ITGA1: variants seen among roughly 807,000 people sequenced by gnomAD.
ITGA1 encodes the protein integrin subunit alpha 1.
A neutral mutation model predicts 145.9 loss-of-function variants in ITGA1; 85 were observed. The observed-to-expected ratio is 0.58, with a 90% CI of 0.49 to 0.70. ITGA1 has a LOEUF of 0.70. ITGA1 is among the 30% of genes least tolerant of loss of function. The pLI, the probability that ITGA1 is intolerant of heterozygous loss-of-function variation, is 0.00. For synonymous variants in ITGA1, 520 were observed against 495.3 expected, an observed-to-expected ratio of 1.05 and a Z score of -0.66; for missense variants, 1,351 against 1,418.7, an observed-to-expected ratio of 0.95 and a Z score of 0.77.
chr5:52,902,060 G>A (rs955328370), intron 11 of ITGA1: 3 of 150,858 alleles, frequency 2.0e-5, no homozygotes, highest in Non-Finnish European at 4.4e-5. Context: ...TCTTTGTGGG[G>A]GTCACAAATT....
intron 1 of ITGA1, among the ~76,000 whole-genome samples, chr5:52,834,145 C>G (rs1434652237): frequency 6.6e-6 from 1 of 152,188 alleles, no homozygotes; most frequent in Admixed American, 6.5e-5. Flanking sequence ...GTGTTACTTT[C>G]ATCTTTCTGC....
intron 2 of ITGA1, among the ~76,000 whole-genome samples, chr5:52,855,009 C>A (rs138915722): frequency 6.6e-6 from 1 of 152,270 alleles, no homozygotes; most frequent in East Asian, 1.9e-4. Flanking sequence ...TAAGTTAAAA[C>A]TAACTTGCAT....
intron 1 of ITGA1, among the ~76,000 whole-genome samples, chr5:52,790,104 T>C (rs1344486863): frequency 2.6e-5 from 4 of 152,218 alleles, no homozygotes; most frequent in Non-Finnish European, 5.9e-5. Flanking sequence ...AAACTTCTCA[T>C]CAATTCAGAG....
intron 1 of ITGA1, chr5:52,801,554 G>A: frequency 1.2e-6 from 2 of 1,614,152 alleles, no homozygotes; most frequent in Non-Finnish European, 1.7e-6. Flanking sequence ...GAACCGGATC[G>A]AGCTTTCTAT....
intron 19 of ITGA1, 138 bp downstream of exon 19, chr5:52,925,625 G>T: frequency 3.2e-6 from 2 of 633,648 alleles, no homozygotes; most frequent in Non-Finnish European, 5.4e-6. Context: ...CCTCACCAAT[G>T]GTGAAAGTAT....
intron 11 of ITGA1, among the ~76,000 whole-genome samples, chr5:52,900,491 T>C (rs941476822): frequency 1.3e-5 from 2 of 152,160 alleles, no homozygotes; most frequent in Non-Finnish European, 2.9e-5. Context: ...GTATTATTAT[T>C]TATGTTATTG....
intron 8 of ITGA1, among the ~76,000 whole-genome samples, chr5:52,890,991 T>A (rs753051156): frequency 9.8e-5 from 15 of 152,312 alleles, no homozygotes; most frequent in Non-Finnish European, 1.9e-4. Context: ...TGTCCTTCAG[T>A]GCTTGGCTTA....
intron 1 of ITGA1, among the ~76,000 whole-genome samples, chr5:52,837,261 T>C (rs1749174680): frequency 6.6e-6 from 1 of 152,054 alleles, no homozygotes. Flanking sequence ...AGCAAAGCAT[T>C]TTCTTAACGT....
chr5:52,942,051 GTT>G (rs1751061601), intron 26 of ITGA1, among the ~76,000 whole-genome samples: 2 of 152,192 alleles, frequency 1.3e-5, no homozygotes, highest in Non-Finnish European at 2.9e-5. Flanking sequence ...CCCATTGCTT[GTT>G]TTTGTTGGCT....
intron 19 of ITGA1, among the ~76,000 whole-genome samples, chr5:52,926,846 C>T (rs1750819020): frequency 6.6e-6 from 1 of 151,840 alleles, no homozygotes; most frequent in African/African-American, 2.4e-5. Flanking sequence ...TGGTTTAGGC[C>T]CTGTACTAAG....
At chr5:52,952,186 C>CAA (rs541608561) in intron 28 of ITGA1, among the ~76,000 whole-genome samples, 1 of 130,964 alleles carries the variant, frequency 7.6e-6, no homozygotes, top group African/African-American at 3.0e-5. Context: ...GAGACTGTCT[C>CAA]AAAAAAAAAA....
intron 1 of ITGA1, among the ~76,000 whole-genome samples, chr5:52,836,585 G>A (rs968115339): frequency 6.6e-6 from 1 of 152,056 alleles, no homozygotes; most frequent in Admixed American, 6.6e-5. Flanking sequence ...CCGCCACTTG[G>A]TTGTTCATTT....
intron 2 of ITGA1, among the ~76,000 whole-genome samples, chr5:52,861,044 G>A (rs1413181059): frequency 3.3e-5 from 5 of 152,040 alleles, no homozygotes; most frequent in Admixed American, 2.6e-4. Context: ...AGTTAATACA[G>A]TAGCAGACTT....
At chr5:52,834,415 T>C (rs1488932462) in intron 1 of ITGA1, among the ~76,000 whole-genome samples, 2 of 151,294 alleles carry the variant, frequency 1.3e-5, no homozygotes, top group African/African-American at 4.9e-5. Flanking sequence ...CTTATCTCTG[T>C]GTACATAGTG....
chr5:52,806,810 A>G (rs930931542), intron 1 of ITGA1, among the ~76,000 whole-genome samples: 10 of 152,222 alleles, frequency 6.6e-5, no homozygotes, highest in African/African-American at 2.4e-4. Flanking sequence ...TTGAGAAATG[A>G]ATGAGTTTCT....
intron 1 of ITGA1, among the ~76,000 whole-genome samples, chr5:52,810,872 A>C (rs1339812381): frequency 6.6e-6 from 1 of 152,222 alleles, no homozygotes; most frequent in Non-Finnish European, 1.5e-5. Context: ...ACGGGCAAGT[A>C]GGTAGGAAAT....
intron 1 of ITGA1, among the ~76,000 whole-genome samples, chr5:52,844,121 C>T (rs930381901): frequency 6.6e-6 from 1 of 152,060 alleles, no homozygotes; most frequent in African/African-American, 2.4e-5. Flanking sequence ...TTTCATCTTT[C>T]TCTTTTTTTA....
intron 1 of ITGA1, among the ~76,000 whole-genome samples, chr5:52,842,628 G>A (rs115589164): frequency 0.021 from 3,201 of 149,766 alleles, 44 homozygotes; most frequent in Middle Eastern, 0.094. Flanking sequence ...CATTTCAAAT[G>A]TGATAAACTG....
rs777330136 is a variant in ITGA1, at chr5:52,864,775, T to A, written c.308T>A (p.Ile103Asn). ...GTTCTATTTTTAGTTAATACATCAA[T>A]TCCCAATGTCACAGAAGTAAAGGAG... is the stretch of plus-strand genomic sequence containing the variant. ...VKLDLPVNTS[I>N]PNVTEVKENM... Residue 103 changes from isoleucine (I) to asparagine (N), a missense_variant, in exon 4 of 29, where the codon ATT becomes AAT. By Grantham distance (149) the Ile-to-Asn change is moderately radical (BLOSUM62 -3). Coordinates refer to ENST00000282588, the MANE Select transcript of ITGA1 (RefSeq NM_181501.2). 4 of 1,607,302 alleles carry A rather than the reference T, an allele frequency of 2.5e-6. No homozygotes were observed. The highest frequency in any genetic ancestry group is 2.5e-6 in the Non-Finnish European group (3 of 1,176,482).
Sources: gnomAD v4.1 joint callset for allele counts (sites outside exome capture counted in the v4.1 genomes callset) on GRCh38, gnomAD v4.1.1 for gene constraint, MANE v1.5 for transcripts, NCBI Gene and HGNC (gene_info 2026-07-23, HGNC 2026-07-21) for gene names.